Variants in ADD2 observed in about 807,000 individuals in gnomAD.
The protein encoded by ADD2 is adducin 2.
Under a neutral mutation model 83.0 loss-of-function variants are expected in ADD2, and 23 were observed. The observed-to-expected ratio is 0.28, with a 90% CI of 0.20 to 0.39. ADD2 has a LOEUF of 0.39. ADD2 is among the 10% of genes least tolerant of loss of function. ADD2 has a pLI of 1.00. For synonymous variants in ADD2, 375 were observed against 375.4 expected, an observed-to-expected ratio of 1.00 and a Z score of 0.01; for missense variants, 758 against 944.9, an observed-to-expected ratio of 0.80 and a Z score of 2.59.
chr2:70,710,655 C>A (rs868923667), intron 2 of ADD2, among the ~76,000 whole-genome samples: 30 of 152,226 alleles, frequency 2.0e-4, no homozygotes, highest in Admixed American at 5.2e-4. Context: ...CGATTAAAAG[C>A]ACAGACTCTG....
At chr2:70,732,619 G>C (rs1468523519) in intron 1 of ADD2, among the ~76,000 whole-genome samples, 1 of 152,152 alleles carries the variant, frequency 6.6e-6, no homozygotes, top group Non-Finnish European at 1.5e-5. Flanking sequence ...TCAGAGGTGA[G>C]CATGGAGAAG....
Position 70,659,148 on chromosome 2 carries a change from A to T in ADD2, c.*4277T>A, listed in dbSNP as rs1675456615. The T allele has an allele frequency of 4.0e-5, 2 of 50,618 alleles. No homozygotes were observed. The highest frequency in any genetic ancestry group is 7.7e-5 in the Non-Finnish European group (2 of 26,142). 3.1% of individuals were successfully genotyped at this position (50,618 alleles called of 1,614,324 possible). The stretch of plus-strand genomic sequence containing the variant: ...CAACAAAGAGCAAAGCTCCGTCTAA[A>T]AAAAAAAAAAAAAAAAAAAAAAAAG... On this transcript the variant is annotated 3_prime_UTR_variant, in exon 16 of 16. Coordinates refer to ENST00000264436, the MANE Select transcript of ADD2 (RefSeq NM_001617.4).
At position 70,663,731 on chromosome 2, in the gene ADD2, A is replaced by G. The variant is rs781997934; in HGVS notation, c.1875T>C (p.Gly625=). 1 of 1,612,026 alleles carries G rather than the reference A, an allele frequency of 6.2e-7. No individual in the cohort carries two copies. The highest frequency in any genetic ancestry group is 1.7e-5 in the Admixed American group (1 of 59,770). ...CTTTGCTTGTTTCTGTCTTCTTAGT[A>G]CCTTCTAGAAAAAGATCAAAAGATA... The part of the protein sequence containing the change: ...LVSPSKSLEE[G]TKKTETSKAA... The change falls in exon 16 of 16, where the codon GGT becomes GGC. Residue 625 remains glycine, a synonymous_variant. Coordinates refer to ENST00000264436, the MANE Select transcript of ADD2 (RefSeq NM_001617.4).
intron 4 of ADD2, among the ~76,000 whole-genome samples, chr2:70,700,172 C>A (rs1671517477): frequency 1.3e-5 from 2 of 151,524 alleles, no homozygotes; most frequent in Admixed American, 6.6e-5. Context: ...TGGTATATAC[C>A]CATTATCATT....
intron 7 of ADD2, 95 bp from the exon 8 acceptor site, chr2:70,691,024 G>T: frequency 7.0e-7 from 1 of 1,435,608 alleles, no homozygotes; most frequent in Non-Finnish European, 9.2e-7. Context: ...CCAGTGAGGG[G>T]TGAGGGGTGA....
intron 4 of ADD2, among the ~76,000 whole-genome samples, chr2:70,704,064 C>T (rs570539428): frequency 7.2e-5 from 11 of 152,254 alleles, no homozygotes; most frequent in Admixed American, 6.5e-4. Context: ...GTGGTCTCTT[C>T]CCGTCCACTG....
rs1553364567 is a variant in ADD2 at position 70,659,061 on chromosome 2, T to TC, written c.*4363_*4364insG. The TC allele has an allele frequency of 2.1e-5, 3 of 145,824 alleles. No homozygotes were observed. The highest frequency in any genetic ancestry group is 7.7e-5 in the African/African-American group (3 of 39,112). 9.0% of individuals were successfully genotyped at this position (145,824 alleles called of 1,614,324 possible). On this transcript the variant is annotated 3_prime_UTR_variant, in exon 16 of 16. Transcript: ENST00000264436. ...GGGAGGCTGAGACAGAAGAATCGCTTGAAAAACCGGGAGGCAGAGGTTGCA... is the reference window on the plus strand; with the variant it reads ...GGGAGGCTGAGACAGAAGAATCGCTTCGAAAAACCGGGAGGCAGAGGTTGCA...
chr2:70,694,325 C>A (rs190729364), intron 6 of ADD2, among the ~76,000 whole-genome samples: 17 of 152,224 alleles, frequency 1.1e-4, no homozygotes, highest in African/African-American at 3.9e-4. Context: ...TGTAATAACC[C>A]CACCTAGGTG....
At chr2:70,696,104 TA>T (rs142986836) in intron 5 of ADD2, 140 bp downstream of exon 5, 1 of 1,209,594 alleles carries the variant, frequency 8.3e-7, no homozygotes. Context: ...CCACAGTGGT[TA>T]AAAAACTTGG....
intron 10 of ADD2, among the ~76,000 whole-genome samples, chr2:70,682,140 T>C (rs1028999769): frequency 6.6e-6 from 1 of 152,376 alleles, no homozygotes; most frequent in East Asian, 1.9e-4. Context: ...TTGTATATTA[T>C]TATTTTACTA....
chr2:70,661,414 A>AT lies in ADD2; in HGVS notation c.*2010dup, dbSNP rs1421180841. 1 of 152,146 alleles carries AT rather than the reference A, an allele frequency of 6.6e-6. No homozygotes were observed. The highest frequency in any genetic ancestry group is 2.4e-5 in the African/African-American group (1 of 41,438). 9.4% of individuals were successfully genotyped at this position (152,146 alleles called of 1,614,324 possible). A position where few individuals can be genotyped will look rare whatever the true frequency, so the allele number is the denominator to read the frequency against. On this transcript the variant is annotated 3_prime_UTR_variant, in exon 16 of 16. Transcript: ENST00000264436. Reference sequence around the variant, plus strand: ...TTTAAAGGCATTTCCCATATGACAGATTTTTCTGAGGCATGAGTGGGTTGT... The same window carrying AT: ...TTTAAAGGCATTTCCCATATGACAGATTTTTTCTGAGGCATGAGTGGGTTGT...
At chr2:70,666,015 C>T (rs1353063510) in intron 15 of ADD2, among the ~76,000 whole-genome samples, 1 of 152,158 alleles carries the variant, frequency 6.6e-6, no homozygotes, top group Non-Finnish European at 1.5e-5. Flanking sequence ...GGGGTTTCAC[C>T]ATGTTGGCCA....
intron 2 of ADD2, among the ~76,000 whole-genome samples, chr2:70,707,035 T>C (rs2863794): frequency 0.39 from 59,827 of 151,936 alleles, 13,906 homozygotes; most frequent in African/African-American, 0.66. Flanking sequence ...CACAAAAGAA[T>C]ACTACTATTA....
chr2:70,706,332 T>C lies in ADD2; in HGVS notation c.77A>G (p.Glu26Gly). The change falls in exon 3 of 16, where the codon GAG becomes GGG. Residue 26 changes from glutamate (E) to glycine (G), a missense_variant. By Grantham distance (98) the Glu-to-Gly change is moderately conservative. Coordinates refer to ENST00000264436, the MANE Select transcript of ADD2 (RefSeq NM_001617.4). The surrounding 1 kb of genome is among the most constrained non-coding windows in gnomAD (Gnocchi z 5.0). ...AAGGCGCATGTACTCGGGGTCGTCC[T>C]CTGAGAAGCGGTCAAAGTAAGGCTG... ...QGQPYFDRFSEDDPEYMRLRN... is the reference protein window; with the variant it reads ...QGQPYFDRFSGDDPEYMRLRN... 6.2e-7 allele frequency: 1 copy of C among 1,613,980 alleles called. No individual in the cohort carries two copies. The highest frequency in any genetic ancestry group is 8.5e-7 in the Non-Finnish European group (1 of 1,179,988).
chr2:70,675,390 AG>A (rs1211600688), intron 13 of ADD2: 3 of 985,550 alleles, frequency 3.0e-6, no homozygotes, highest in Non-Finnish European at 3.6e-6. Flanking sequence ...AAGGTTCCTG[AG>A]TCTCAGATCT....
chr2:70,724,791 T>C (rs1271500620), intron 1 of ADD2, among the ~76,000 whole-genome samples: 1 of 152,202 alleles, frequency 6.6e-6, no homozygotes, highest in African/African-American at 2.4e-5. Context: ...CTCTACATCC[T>C]ACACATGCCA....
intron 1 of ADD2, among the ~76,000 whole-genome samples, chr2:70,727,416 G>A (rs957195731): frequency 6.6e-6 from 1 of 151,782 alleles, no homozygotes; most frequent in Non-Finnish European, 1.5e-5. Flanking sequence ...TCCCTCTCCT[G>A]GGCTCCAGTG....
intron 1 of ADD2, among the ~76,000 whole-genome samples, chr2:70,761,747 C>A (rs1265420976): frequency 6.6e-6 from 1 of 150,646 alleles, no homozygotes; most frequent in African/African-American, 2.5e-5. Flanking sequence ...TCTCGGCTCA[C>A]TGCAAGCTCT....
intron 1 of ADD2, among the ~76,000 whole-genome samples, chr2:70,718,675 T>C (rs1196295767): frequency 6.6e-6 from 1 of 152,140 alleles, no homozygotes; most frequent in African/African-American, 2.4e-5. Flanking sequence ...AGCCCTGCAG[T>C]GAAGGACCCA....
Sources: allele counts gnomAD v4.1 joint callset (sites outside exome capture counted in the v4.1 genomes callset), GRCh38; gene constraint gnomAD v4.1.1; non-coding constraint Gnocchi (gnomAD v3.1); transcripts MANE v1.5; gene names NCBI Gene and HGNC (gene_info 2026-07-23, HGNC 2026-07-21).